The following ZNF595 variants were observed in gnomAD, a reference collection of about 807,000 sequenced individuals.
ZNF595 encodes zinc finger protein 595.
Under a neutral mutation model 19.4 loss-of-function variants are expected in ZNF595, and 9 were observed. The ratio of observed to expected loss-of-function variants is 0.46; its 90% CI spans 0.28 to 0.81. The LOEUF (loss-of-function observed/expected upper bound fraction) is 0.81, where lower values mean the gene tolerates loss of function less well. ZNF595 is among the 30% of genes least tolerant of loss of function. ZNF595 has a pLI of 0.11. For synonymous variants in ZNF595, 255 were observed against 255.9 expected (o/e 1.00, Z 0.03); for missense variants, 729 against 736.0 (o/e 0.99, Z 0.11).
chr4:73,042 G>T (rs1713494979), intron 3 of ZNF595, among the ~76,000 whole-genome samples: 1 of 152,300 alleles, frequency 6.6e-6, no homozygotes, highest in East Asian at 1.9e-4. Flanking sequence ...ATGGGAGGTT[G>T]TTTGTGATGT....
At chr4:66,301 T>A (rs1456627360) in intron 3 of ZNF595, among the ~76,000 whole-genome samples, 2 of 151,950 alleles carry the variant, frequency 1.3e-5, no homozygotes, top group African/African-American at 4.8e-5. Flanking sequence ...AGAAACATTT[T>A]CATCTCTTGT....
At chr4:55,872 A>AT (rs1712623988) in intron 1 of ZNF595, among the ~76,000 whole-genome samples, 1 of 144,538 alleles carries the variant, frequency 6.9e-6, no homozygotes, top group Non-Finnish European at 1.5e-5. Flanking sequence ...TGCACATCAT[A>AT]TTTTGGTTTA....
chr4:75,710 T>C (rs1713629440), intron 3 of ZNF595, among the ~76,000 whole-genome samples: 1 of 152,170 alleles, frequency 6.6e-6, no homozygotes, highest in Non-Finnish European at 1.5e-5. Flanking sequence ...TTACATGCTG[T>C]CTTCCCTTGT....
intron 3 of ZNF595, among the ~76,000 whole-genome samples, chr4:85,193 A>G (rs1714081022): frequency 6.6e-6 from 1 of 152,112 alleles, no homozygotes; most frequent in Non-Finnish European, 1.5e-5. Context: ...TCACTCTTCT[A>G]CCTATTCCCT....
intron 3 of ZNF595, among the ~76,000 whole-genome samples, chr4:76,525 T>A (rs1245550993): frequency 1.3e-5 from 2 of 151,968 alleles, no homozygotes; most frequent in African/African-American, 4.8e-5. Context: ...CTATATATAT[T>A]TTTTTCCAGT....
chr4:74,860 C>G (rs1401702572), intron 3 of ZNF595, among the ~76,000 whole-genome samples: 38 of 152,166 alleles, frequency 2.5e-4, no homozygotes, highest in African/African-American at 9.2e-4. Flanking sequence ...AAGCAATTCC[C>G]AGCTTGACTT....
intron 3 of ZNF595, among the ~76,000 whole-genome samples, chr4:77,070 A>G (rs1230375746): frequency 6.6e-6 from 1 of 152,120 alleles, no homozygotes; most frequent in Non-Finnish European, 1.5e-5. Flanking sequence ...AACATGCTAA[A>G]ATATGTACAT....
chr4:80,418 T>C (rs1173653342), intron 3 of ZNF595, among the ~76,000 whole-genome samples: 3 of 152,218 alleles, frequency 2.0e-5, no homozygotes, highest in Non-Finnish European at 4.4e-5. Flanking sequence ...ATGGCTGATA[T>C]CATACTGGAC....
At chr4:71,404 C>G (rs782626315) in intron 3 of ZNF595, among the ~76,000 whole-genome samples, 12 of 152,242 alleles carry the variant, frequency 7.9e-5, no homozygotes, top group Middle Eastern at 3.4e-3. Context: ...TGTGCCTCTT[C>G]TTTTGTCTTC....
intron 3 of ZNF595, among the ~76,000 whole-genome samples, chr4:83,070 C>T (rs918084759): frequency 6.6e-6 from 1 of 152,146 alleles, no homozygotes; most frequent in Admixed American, 6.5e-5. Context: ...CACACACACA[C>T]ACAAATATAT....
chr4:77,640 A>C (rs1013087120), intron 3 of ZNF595, among the ~76,000 whole-genome samples: 1 of 152,172 alleles, frequency 6.6e-6, no homozygotes, highest in African/African-American at 2.4e-5. Flanking sequence ...AGGTCACATA[A>C]CTACTACTAT....
At chr4:83,602 A>T (rs561810255) in intron 3 of ZNF595, among the ~76,000 whole-genome samples, 139 of 140,090 alleles carry the variant, frequency 9.9e-4, no homozygotes, top group African/African-American at 3.5e-3. Flanking sequence ...CCTGGGTGAC[A>T]GAGTGAGACT....
intron 3 of ZNF595, among the ~76,000 whole-genome samples, chr4:67,361 T>C (rs1581333996): frequency 6.6e-6 from 1 of 151,592 alleles, no homozygotes; most frequent in African/African-American, 2.4e-5. Flanking sequence ...CAACAGTTAC[T>C]CATTTTCTTC....
At chr4:69,556 A>G (rs1162119975) in intron 3 of ZNF595, among the ~76,000 whole-genome samples, 2 of 152,176 alleles carry the variant, frequency 1.3e-5, no homozygotes, top group Admixed American at 6.5e-5. Context: ...AGAAATGTCT[A>G]TAAACGTTCT....
At chr4:81,668 C>A (rs1216689449) in intron 3 of ZNF595, among the ~76,000 whole-genome samples, 3 of 152,170 alleles carry the variant, frequency 2.0e-5, no homozygotes, top group Non-Finnish European at 4.4e-5. Context: ...AGCTAACACT[C>A]AGTACACATT....
At chr4:78,494 CTACTTTGTTCGTAAA>C (rs879988030) in intron 3 of ZNF595, among the ~76,000 whole-genome samples, 1 of 152,150 alleles carries the variant, frequency 6.6e-6, no homozygotes, top group Non-Finnish European at 1.5e-5. Flanking sequence ...AATATTGCCC[CTACTTTGTTCGTAAA>C]TTATTTATTC....
chr4:72,799 A>G (rs1713484909), intron 3 of ZNF595, among the ~76,000 whole-genome samples: 1 of 152,202 alleles, frequency 6.6e-6, no homozygotes, highest in Admixed American at 6.5e-5. Flanking sequence ...TTTGTATAAA[A>G]TGAAGGGAAT....
chr4:82,373 T>TG (rs1713949452), intron 3 of ZNF595, among the ~76,000 whole-genome samples: 2 of 68,290 alleles, frequency 2.9e-5, no homozygotes, highest in South Asian at 1.1e-3. Flanking sequence ...TGGTTTGTGG[T>TG]TTTTTTTTTT....
intron 3 of ZNF595, among the ~76,000 whole-genome samples, chr4:60,963 T>A (rs1712832400): frequency 6.6e-6 from 1 of 152,222 alleles, no homozygotes; most frequent in Non-Finnish European, 1.5e-5. Context: ...AGAAGATTTG[T>A]CTTGGGACAC....
Sources: gnomAD v4.1 joint callset for allele counts (sites outside exome capture counted in the v4.1 genomes callset) on GRCh38, gnomAD v4.1.1 for gene constraint, MANE v1.5 for transcripts, NCBI Gene and HGNC (gene_info 2026-07-23, HGNC 2026-07-21) for gene names.